The following SLC5A4 variants were observed in gnomAD, a reference collection of about 807,000 sequenced individuals.
The protein encoded by SLC5A4 is solute carrier family 5 member 4, also known as probable glucose sensor protein SLC5A4.
In SLC5A4, 55 loss-of-function variants were observed where a neutral mutation model predicts 70.3. That is an observed-to-expected ratio of 0.78 (90% CI 0.63 to 0.98). SLC5A4 has a LOEUF of 0.98. Among genes scored for constraint, SLC5A4 ranks in the 50% least tolerant of loss-of-function variants. The pLI is 0.00. For synonymous variants in SLC5A4, 268 were observed against 305.7 expected, an observed-to-expected ratio of 0.88 and a Z score of 1.29; for missense variants, 735 against 839.2, an observed-to-expected ratio of 0.88 and a Z score of 1.53.
At chr22:32,245,979 G>C (rs1474262043) in intron 5 of SLC5A4, among the ~76,000 whole-genome samples, 1 of 152,140 alleles carries the variant, frequency 6.6e-6, no homozygotes, top group Non-Finnish European at 1.5e-5. Context: ...CCATCCTGGG[G>C]AATACTTAAG....
chr22:32,237,210 G>C, intron 7 of SLC5A4, 34 bp downstream of exon 7: 1 of 1,484,626 alleles, frequency 6.7e-7, no homozygotes, highest in Non-Finnish European at 9.3e-7. Context: ...GTGATTTCCA[G>C]GCCCTGGGCA....
At chr22:32,311,023 T>G in the SLC5A4 span, among the ~76,000 whole-genome samples, 1 of 152,172 alleles carries the variant, frequency 6.6e-6, no homozygotes, top group Non-Finnish European at 1.5e-5. Flanking sequence ...AGCTGTTCCT[T>G]CTGCCTGGAA....
chr22:32,330,908 TG>T, the SLC5A4 span, among the ~76,000 whole-genome samples: 1 of 84,130 alleles, frequency 1.2e-5, no homozygotes, highest in Non-Finnish European at 2.4e-5. Context: ...CTCCTGTGTG[TG>T]TGTGTGTTGG....
chr22:32,344,988 T>C, the SLC5A4 span, among the ~76,000 whole-genome samples: 1 of 152,176 alleles, frequency 6.6e-6, no homozygotes, highest in Non-Finnish European at 1.5e-5. Context: ...TTTTAAACTT[T>C]AAGGCTTACA....
intron 10 of SLC5A4, among the ~76,000 whole-genome samples, chr22:32,229,674 C>T (rs563318273): frequency 2.6e-5 from 4 of 151,944 alleles, no homozygotes; most frequent in South Asian, 2.1e-4. Context: ...GGGGTGGCAG[C>T]GGGGATGGTT....
At chr22:32,271,549 GCA>G in the SLC5A4 span, 1 of 704,352 alleles carries the variant, frequency 1.4e-6, no homozygotes, top group Non-Finnish European at 2.6e-6. Context: ...GCAGGTGGCC[GCA>G]CAGAGGAGAG....
intron 7 of SLC5A4, among the ~76,000 whole-genome samples, chr22:32,236,316 C>T (rs5749358): frequency 2.6e-5 from 4 of 152,236 alleles, no homozygotes; most frequent in East Asian, 1.9e-4. Flanking sequence ...TATTGCTTGA[C>T]GGCAATGAAC....
At chr22:32,255,122 C>G in intron 1 of SLC5A4, 73 bp downstream of exon 1, 1 of 1,403,886 alleles carries the variant, frequency 7.1e-7, no homozygotes, top group East Asian at 2.3e-5. Context: ...GTCACAACCA[C>G]ACCCCTTCCC....
upstream of SLC5A4, among the ~76,000 whole-genome samples, chr22:32,256,945 T>A (rs893244399): frequency 1.1e-4 from 16 of 152,248 alleles, no homozygotes; most frequent in African/African-American, 3.9e-4. Flanking sequence ...GAAGTGGAAT[T>A]GCATGTGATA....
Position 32,231,058 on chromosome 22 carries a change from C to T in SLC5A4, c.1039G>A (p.Val347Ile), listed in dbSNP as rs774047730. The change falls in exon 10 of 15, where the codon GTA (valine) becomes ATA (isoleucine). Residue 347 changes from valine to isoleucine, a missense_variant. Val to Ile is a conservative substitution (Grantham distance 29). Transcript: ENST00000266086. The stretch of plus-strand genomic sequence containing the variant: ...CAGTGTTTCACGCATTCAGAAGGTA[C>T]CACACATGCTACCATATCTGGGGAA... Reference protein sequence around the residue: ...ILYTDMVACVVPSECVKHCGV... With the variant: ...ILYTDMVACVIPSECVKHCGV... 2.7e-5 allele frequency: 44 copies of T among 1,612,290 alleles called. No individual in the cohort carries two copies. In the South Asian group the frequency reaches 4.2e-4, roughly 15 times the overall value.
chr22:32,301,809 G>C, the SLC5A4 span, among the ~76,000 whole-genome samples: 1 of 149,514 alleles, frequency 6.7e-6, no homozygotes, highest in Non-Finnish European at 1.5e-5. Context: ...CATAAGAATA[G>C]GTATATTAAT....
chr22:32,228,422 A>T (rs1925531875), intron 11 of SLC5A4, among the ~76,000 whole-genome samples: 1 of 151,676 alleles, frequency 6.6e-6, no homozygotes, highest in African/African-American at 2.4e-5. Flanking sequence ...GGCACCTGTA[A>T]TCCCAGTTAC....
chr22:32,341,444 G>T, the SLC5A4 span, among the ~76,000 whole-genome samples: 4 of 152,142 alleles, frequency 2.6e-5, no homozygotes, highest in Admixed American at 1.3e-4. Flanking sequence ...CCTCTCTGCC[G>T]GGATGACCTT....
intron 5 of SLC5A4, among the ~76,000 whole-genome samples, chr22:32,239,830 C>G (rs1926406365): frequency 6.7e-6 from 1 of 148,536 alleles, no homozygotes; most frequent in Admixed American, 6.8e-5. Flanking sequence ...TGAGACCATC[C>G]TGGCTAACAC....
the SLC5A4 span, among the ~76,000 whole-genome samples, chr22:32,333,200 C>CCG: frequency 4.7e-3 from 692 of 148,540 alleles, 10 homozygotes; most frequent in Non-Finnish European, 7.8e-3. Flanking sequence ...ACTGGCACCC[C>CCG]CCCCCCAGAA....
chr22:32,314,421 A>T, the SLC5A4 span, among the ~76,000 whole-genome samples: 2 of 152,240 alleles, frequency 1.3e-5, no homozygotes, highest in African/African-American at 4.8e-5. Flanking sequence ...AATAATGTTT[A>T]TCAAATAAAT....
upstream of SLC5A4, among the ~76,000 whole-genome samples, chr22:32,259,481 C>T (rs180690466): frequency 6.6e-6 from 1 of 152,012 alleles, no homozygotes; most frequent in African/African-American, 2.4e-5. Context: ...TTCCTTTGTT[C>T]TATTAACGTG....
chr22:32,230,987 C>A lies in SLC5A4; in HGVS notation c.1110G>T (p.Val370=). 1 of 1,613,230 alleles carries A rather than the reference C, an allele frequency of 6.2e-7. No homozygotes were observed. The highest frequency in any genetic ancestry group is 8.5e-7 in the Non-Finnish European group (1 of 1,179,146). The change falls in exon 10 of 15, where the codon GTG becomes GTT. Residue 370 remains valine, a synonymous_variant. Coordinates refer to ENST00000266086, the MANE Select transcript of SLC5A4 (RefSeq NM_014227.3). ...GCTNYAYPTM[V]LELMPQGLRG... is the part of the protein sequence containing the mutation. ...TCCTACCTTGGGGCATCAGTTCCAGCACCATCGTGGGGTATGCGTAGTTGG... is the reference window on the plus strand; with the variant it reads ...TCCTACCTTGGGGCATCAGTTCCAGAACCATCGTGGGGTATGCGTAGTTGG...
At chr22:32,227,025 A>G (rs947787825) in intron 11 of SLC5A4, among the ~76,000 whole-genome samples, 1 of 152,008 alleles carries the variant, frequency 6.6e-6, no homozygotes, top group Non-Finnish European at 1.5e-5. Flanking sequence ...GAGCACCTGG[A>G]TGAGGTTACT....
Sources: allele counts gnomAD v4.1 joint callset (sites outside exome capture counted in the v4.1 genomes callset), GRCh38; gene constraint gnomAD v4.1.1; transcripts MANE v1.5; gene names NCBI Gene and HGNC (gene_info 2026-07-23, HGNC 2026-07-21).